The following TBC1D2 variants were observed in gnomAD, a reference collection of about 807,000 sequenced individuals.
The protein encoded by TBC1D2 is TBC1 domain family member 2.
In TBC1D2, 58 loss-of-function variants were observed where a neutral mutation model predicts 91.1. The ratio of observed to expected loss-of-function variants is 0.64; its 90% CI spans 0.52 to 0.79. The LOEUF is 0.79. TBC1D2 is among the 30% of genes least tolerant of loss of function. The pLI, the probability that TBC1D2 is intolerant of heterozygous loss-of-function variation, is 0.00. For synonymous variants in TBC1D2, 482 were observed against 511.5 expected, an observed-to-expected ratio of 0.94 and a Z score of 0.78; for missense variants, 1,080 against 1,208.3, an observed-to-expected ratio of 0.89 and a Z score of 1.57.
intron 9 of TBC1D2, among the ~76,000 whole-genome samples, chr9:98,204,933 A>T (rs556555517): frequency 5.9e-5 from 9 of 152,358 alleles, no homozygotes; most frequent in Admixed American, 2.6e-4. Context: ...GTCTAAGCCC[A>T]TGGTAGACAT....
At position 98,199,511 on chromosome 9, in the gene TBC1D2, CGGT is replaced by C. The variant is rs755218079; in HGVS notation, c.2654_2656del (p.His885del). 8.1e-6 allele frequency: 13 copies of C among 1,614,068 alleles called. No individual in the cohort carries two copies. Among genetic ancestry groups the C allele is most frequent in the Non-Finnish European group, 1.0e-5 (12 of 1,180,056 alleles). On this transcript the variant is annotated inframe_deletion, in exon 13 of 13. Coordinates refer to ENST00000465784, the MANE Select transcript of TBC1D2 (RefSeq NM_001267571.2). Reference sequence around the variant, plus strand: ...CCGCAGCTCAGCCTCCAGCCGCTCCCGGTGGACCATGCGCAGCTGCCGCAGCTG... The same window carrying C: ...CCGCAGCTCAGCCTCCAGCCGCTCCCGGACCATGCGCAGCTGCCGCAGCTG...
intron 1 of TBC1D2, among the ~76,000 whole-genome samples, chr9:98,252,870 C>T (rs1233154852): frequency 6.6e-6 from 1 of 152,160 alleles, no homozygotes; most frequent in African/African-American, 2.4e-5. Context: ...GCAACAGAGG[C>T]AAACTCCCTA....
At chr9:98,199,729 TAAG>T (rs1828435393) in intron 12 of TBC1D2, 141 bp from the exon 13 acceptor site, 2 of 820,800 alleles carry the variant, frequency 2.4e-6, no homozygotes, top group Non-Finnish European at 2.0e-6. Context: ...AAACAATGAA[TAAG>T]ATGATTTCCA....
chr9:98,200,210 G>T, intron 12 of TBC1D2, 43 bp downstream of exon 12: 1 of 1,610,760 alleles, frequency 6.2e-7, no homozygotes, highest in Non-Finnish European at 8.5e-7. Context: ...TGTCCTTGGG[G>T]GTGTGTGAGT....
intron 4 of TBC1D2, 60 bp downstream of exon 4, chr9:98,233,356 C>T (rs1224339882): frequency 2.6e-6 from 4 of 1,554,254 alleles, no homozygotes; most frequent in Non-Finnish European, 3.5e-6. Flanking sequence ...AAAGAAGGCA[C>T]TTGTGCCAGC....
chr9:98,210,673 G>C lies in TBC1D2; in HGVS notation c.1656C>G (p.Ile552Met), dbSNP rs781217592. 12 of 1,600,154 alleles carry C rather than the reference G, an allele frequency of 7.5e-6. No homozygotes were observed. Among genetic ancestry groups the C allele is most frequent in the South Asian group, 3.4e-5 (3 of 89,190 alleles). Residue 552 changes from isoleucine to methionine, a missense_variant, in exon 8 of 13, where the codon ATC (isoleucine) becomes ATG (methionine). Coordinates refer to ENST00000465784, the MANE Select transcript of TBC1D2 (RefSeq NM_001267571.2). ...AGGCTCACCTGATGGGGCTCAGCTC[G>C]ATGCTGTCAGATGAGGCCTCCCCAG... ...WEAGEASSDS[I>M]ELSPISKYDE...
chr9:98,251,706 C>T (rs1011391594), intron 2 of TBC1D2, 79 bp downstream of exon 2: 41 of 1,463,568 alleles, frequency 2.8e-5, no homozygotes, highest in African/African-American at 2.6e-4. Flanking sequence ...GGGCTCCTCC[C>T]GCTCATTCCC....
At chr9:98,236,180 C>T (rs1829500464) in intron 3 of TBC1D2, among the ~76,000 whole-genome samples, 1 of 152,102 alleles carries the variant, frequency 6.6e-6, no homozygotes, top group South Asian at 2.1e-4. Context: ...ACCATCTTAA[C>T]TCAAGAAGAT....
At chr9:98,215,042 C>A (rs1828937566) in intron 6 of TBC1D2, among the ~76,000 whole-genome samples, 1 of 152,206 alleles carries the variant, frequency 6.6e-6, no homozygotes, top group Admixed American at 6.5e-5. Context: ...CCTCCTCCCC[C>A]TATCCAATCC....
chr9:98,216,450 T>A (rs571903986), intron 6 of TBC1D2, among the ~76,000 whole-genome samples: 1 of 152,166 alleles, frequency 6.6e-6, no homozygotes, highest in Non-Finnish European at 1.5e-5. Flanking sequence ...GGGATAACTA[T>A]TAAAGTGCCC....
chr9:98,251,495 T>G (rs1436143723), intron 2 of TBC1D2, among the ~76,000 whole-genome samples: 1 of 152,170 alleles, frequency 6.6e-6, no homozygotes, highest in Non-Finnish European at 1.5e-5. Context: ...ATGAATTCAT[T>G]TAATCCTCAA....
intron 5 of TBC1D2, among the ~76,000 whole-genome samples, chr9:98,221,775 C>T (rs1181883800): frequency 6.6e-6 from 1 of 152,188 alleles, no homozygotes; most frequent in Non-Finnish European, 1.5e-5. Context: ...GTTACCCAGC[C>T]TGGAGTGCAG....
At position 98,209,054 on chromosome 9, in the gene TBC1D2, T is replaced by C. The variant is rs1828740707; in HGVS notation, c.1764A>G (p.Arg588=). Residue 588 remains arginine (R), a synonymous_variant, in exon 9 of 13, where the codon CGA becomes CGG. Coordinates refer to ENST00000465784, the MANE Select transcript of TBC1D2 (RefSeq NM_001267571.2). ...LLAKIQALES[R]SHHLLGLEAV... Reference sequence around the variant, plus strand: ...CCTCGAGGCCCAGCAGGTGGTGGGATCGTGACTCCAATGCCTGGATCTTGG... The same window carrying C: ...CCTCGAGGCCCAGCAGGTGGTGGGACCGTGACTCCAATGCCTGGATCTTGG... The C allele has an allele frequency of 6.2e-7, 1 of 1,614,020 alleles. No homozygotes were observed. The highest frequency in any genetic ancestry group is 1.1e-5 in the South Asian group (1 of 91,092).
At chr9:98,240,166 G>GGTGTGTGTGTGTGT (rs60630078) in intron 3 of TBC1D2, among the ~76,000 whole-genome samples, 6 of 137,972 alleles carry the variant, frequency 4.3e-5, no homozygotes, top group South Asian at 2.3e-4. Context: ...GTGTTTGTGT[G>GGTGTGTGTGTGTGT]GTGTGTGTGT....
At chr9:98,206,547 A>G (rs901249334) in intron 9 of TBC1D2, among the ~76,000 whole-genome samples, 4 of 152,128 alleles carry the variant, frequency 2.6e-5, no homozygotes, top group Non-Finnish European at 4.4e-5. Flanking sequence ...TTGAACTCCA[A>G]AAGCAGGTCT....
At chr9:98,241,674 C>T (rs916595630) in intron 3 of TBC1D2, among the ~76,000 whole-genome samples, 1 of 152,164 alleles carries the variant, frequency 6.6e-6, no homozygotes, top group African/African-American at 2.4e-5. Context: ...GGTGAGACTG[C>T]CCTGGGTGCA....
intron 4 of TBC1D2, among the ~76,000 whole-genome samples, chr9:98,230,515 G>A (rs549008278): frequency 2.6e-5 from 4 of 152,332 alleles, no homozygotes; most frequent in African/African-American, 9.6e-5. Flanking sequence ...TAGGGGACAC[G>A]CAGGGCTTTG....
intron 5 of TBC1D2, among the ~76,000 whole-genome samples, chr9:98,227,466 G>A: frequency 6.6e-6 from 1 of 152,106 alleles, no homozygotes; most frequent in South Asian, 2.1e-4. Flanking sequence ...TTCACTAAAT[G>A]TAACTCCTGG....
chr9:98,232,358 G>A lies in TBC1D2; in HGVS notation c.781+1058C>T, dbSNP rs182185170. ...TCTTTTTCTGTTTTTTTTTTTGACA[G>A]TGTCTCACTCTGTCACCCATGCATG... On this transcript the variant is annotated intron_variant, in intron 4 of 12. Coordinates refer to ENST00000465784, the MANE Select transcript of TBC1D2 (RefSeq NM_001267571.2). 4.3e-3 allele frequency among the ~76,000 whole-genome samples: 144 copies of A among 33,354 alleles called. 4 individuals carry two copies. Among genetic ancestry groups the A allele is most frequent in the Admixed American group, 0.031 (124 of 4,058 alleles). The allele number at this position is 33,354 out of a possible 152,430, so 21.9% of individuals were successfully genotyped here.
Sources: allele counts gnomAD v4.1 joint callset (sites outside exome capture counted in the v4.1 genomes callset), GRCh38; gene constraint gnomAD v4.1.1; transcripts MANE v1.5; gene names NCBI Gene and HGNC (gene_info 2026-07-23, HGNC 2026-07-21).